The following PKN2 variants were observed in gnomAD, a reference collection of about 807,000 sequenced individuals.
The protein encoded by PKN2 is protein kinase N2.
Under a neutral mutation model 119.1 loss-of-function variants are expected in PKN2, and 38 were observed. The ratio of observed to expected loss-of-function variants is 0.32; its 90% CI spans 0.25 to 0.42. The LOEUF is 0.42. Among genes scored for constraint, PKN2 ranks in the 10% least tolerant of loss-of-function variants. The probability of loss-of-function intolerance (pLI) is 1.00; values close to 1 mark genes in which losing one functional copy is unlikely to be tolerated. For missense variants in PKN2, 850 were observed against 1,165.1 expected (o/e 0.73, Z 3.94); for synonymous variants, 390 against 384.9 (o/e 1.01, Z -0.15).
At chr1:88,818,879 T>C (rs1447627703) in intron 16 of PKN2, among the ~76,000 whole-genome samples, 1 of 151,738 alleles carries the variant, frequency 6.6e-6, no homozygotes, top group Non-Finnish European at 1.5e-5. Flanking sequence ...ATGCCACACA[T>C]CTACAACCAT....
chr1:88,740,755 A>G (rs1421760491), intron 1 of PKN2, among the ~76,000 whole-genome samples: 2 of 152,108 alleles, frequency 1.3e-5, no homozygotes, highest in Non-Finnish European at 2.9e-5. Context: ...TTTTAATATA[A>G]ATGTATTTGT....
At chr1:88,824,266 C>G (rs1167594265) in intron 17 of PKN2, 44 bp from the exon 18 acceptor site, 2 of 1,008,388 alleles carry the variant, frequency 2.0e-6, no homozygotes, top group Admixed American at 2.0e-5. Context: ...CTACTGATTT[C>G]TTTGATTTTT....
At chr1:88,707,246 AT>A (rs1667039404) in intron 1 of PKN2, among the ~76,000 whole-genome samples, 1 of 152,086 alleles carries the variant, frequency 6.6e-6, no homozygotes, top group South Asian at 2.1e-4. Context: ...TTTTTTTGAC[AT>A]TCTTCATCTT....
chr1:88,688,729 T>G (rs1018685922), intron 1 of PKN2, among the ~76,000 whole-genome samples: 1 of 152,200 alleles, frequency 6.6e-6, no homozygotes, highest in African/African-American at 2.4e-5. Context: ...TTAACATTAC[T>G]CTGTAGACTG....
At chr1:88,721,362 G>T (rs1027553654) in intron 1 of PKN2, among the ~76,000 whole-genome samples, 2 of 151,906 alleles carry the variant, frequency 1.3e-5, no homozygotes, top group Non-Finnish European at 2.9e-5. Context: ...TTGTGTTTTT[G>T]ACCCTTTGTT....
intron 2 of PKN2, among the ~76,000 whole-genome samples, chr1:88,759,883 A>AT (rs1336892071): frequency 6.6e-6 from 1 of 152,216 alleles, no homozygotes; most frequent in Non-Finnish European, 1.5e-5. Flanking sequence ...CAACCAAAAA[A>AT]GCCCAGAACC....
intron 2 of PKN2, among the ~76,000 whole-genome samples, chr1:88,747,547 A>G (rs1355532823): frequency 6.6e-6 from 1 of 152,172 alleles, no homozygotes; most frequent in Non-Finnish European, 1.5e-5. Context: ...CGTTTGAGAA[A>G]GATCCGGTTT....
intron 1 of PKN2, among the ~76,000 whole-genome samples, chr1:88,730,823 A>G (rs2100726127): frequency 1.3e-5 from 2 of 152,388 alleles, no homozygotes; most frequent in East Asian, 3.9e-4. Flanking sequence ...TAATATGGTC[A>G]GGCAGTTATA....
intron 8 of PKN2, among the ~76,000 whole-genome samples, chr1:88,789,812 G>A (rs758900844): frequency 2.6e-5 from 4 of 151,812 alleles, no homozygotes; most frequent in Admixed American, 6.6e-5. Context: ...TTAAACCACC[G>A]CACTCCTATT....
rs759987617 is a variant in PKN2 at position 88,807,421 on chromosome 1, A to G, written c.1912A>G (p.Ile638Val). 6.2e-7 allele frequency: 1 copy of G among 1,610,638 alleles called. No homozygotes were observed. Among genetic ancestry groups the G allele is most frequent in the South Asian group, 1.1e-5 (1 of 90,186 alleles). Residue 638 changes from isoleucine (I) to valine (V), a missense_variant, in exon 13 of 22, where the codon ATT becomes GTT. Around this residue, in one of 9 missense-constraint regions of PKN2, gnomAD observed 216 missense variants for 252.8 expected, o/e 0.85. Coordinates refer to ENST00000370521, the MANE Select transcript of PKN2 (RefSeq NM_006256.4). ...TPQSGLEYSG[I>V]QELEDRRSQQ... ...TCAGTCAGGCCTAGAATATAGTGGTATTCAAGAACTTGAGGACAGAAGGTA... is the reference window on the plus strand; with the variant it reads ...TCAGTCAGGCCTAGAATATAGTGGTGTTCAAGAACTTGAGGACAGAAGGTA...
chr1:88,764,964 G>A (rs776859052), intron 3 of PKN2, among the ~76,000 whole-genome samples: 2 of 151,824 alleles, frequency 1.3e-5, no homozygotes, highest in Admixed American at 1.3e-4. Flanking sequence ...TCGCTCTGTC[G>A]CCTAGGCTCA....
chr1:88,737,877 G>A (rs1235522959), intron 1 of PKN2, among the ~76,000 whole-genome samples: 5 of 152,174 alleles, frequency 3.3e-5, no homozygotes, highest in African/African-American at 1.2e-4. Flanking sequence ...TTGTACCTCT[G>A]TCTTTCCTAC....
chr1:88,824,008 C>A (rs370113862), intron 17 of PKN2, among the ~76,000 whole-genome samples: 2,885 of 116,336 alleles, frequency 0.025, 1 homozygote, highest in South Asian at 0.031. Context: ...GACTCTGTCT[C>A]AAAAAAAAAA....
At position 88,751,281 on chromosome 1, in the gene PKN2, A is replaced by G. The variant is rs193106326; in HGVS notation, c.350-8941A>G. ...TTGCAGTATGTTTGAAAATGTTCAT[A>G]TATACACACATACACTCTGGTATGT... is the stretch of plus-strand genomic sequence containing the variant. On this transcript the variant is annotated intron_variant, in intron 2 of 21. Coordinates refer to ENST00000370521, the MANE Select transcript of PKN2 (RefSeq NM_006256.4). 2.0e-5 allele frequency among the ~76,000 whole-genome samples: 3 copies of G among 152,190 alleles called. No individual in the cohort carries two copies. The East Asian group carries it at 5.8e-4, about 29-fold the overall frequency.
chr1:88,779,931 G>GTAC (rs1670266542), intron 6 of PKN2, among the ~76,000 whole-genome samples: 1 of 152,212 alleles, frequency 6.6e-6, no homozygotes, highest in South Asian at 2.1e-4. Flanking sequence ...TTTTGTTTTT[G>GTAC]AGGGATGCAC....
intron 1 of PKN2, among the ~76,000 whole-genome samples, chr1:88,727,980 A>G (rs1667965291): frequency 6.8e-6 from 1 of 147,740 alleles, no homozygotes; most frequent in South Asian, 2.1e-4. Flanking sequence ...CCTGTTTTGC[A>G]GTTATTTGGC....
intron 1 of PKN2, among the ~76,000 whole-genome samples, chr1:88,734,430 C>A (rs1253939680): frequency 6.6e-6 from 1 of 152,092 alleles, no homozygotes; most frequent in African/African-American, 2.4e-5. Context: ...ATGTGGATAT[C>A]CAGTTTTCCC....
At chr1:88,700,115 C>G (rs986168013) in intron 1 of PKN2, among the ~76,000 whole-genome samples, 1 of 152,018 alleles carries the variant, frequency 6.6e-6, no homozygotes, top group Non-Finnish European at 1.5e-5. Flanking sequence ...GCATAGTATT[C>G]CATAGTGTAT....
chr1:88,784,665 T>A lies in PKN2; in HGVS notation c.1012T>A (p.Cys338Ser), dbSNP rs1670496648. The A allele has an allele frequency of 6.3e-7, 1 of 1,586,312 alleles. No individual in the cohort carries two copies. The change falls in exon 7 of 22, where the codon TGC becomes AGC. Residue 338 changes from cysteine (C) to serine (S), a missense_variant. By Grantham distance (112) the Cys-to-Ser change is moderately radical (BLOSUM62 -1). This residue lies in a region of PKN2 where 350 missense variants were observed against 511.1 expected (regional missense o/e 0.68). Coordinates refer to ENST00000370521, the MANE Select transcript of PKN2 (RefSeq NM_006256.4). ...TACTTTGGAAGTTCGTCTTATGGGCTGCCAAGATATCCTAGAGAATGTCCC... is the reference window on the plus strand; with the variant it reads ...TACTTTGGAAGTTCGTCTTATGGGCAGCCAAGATATCCTAGAGAATGTCCC... ...TGTLEVRLMGCQDILENVPGR... is the reference protein window; with the variant it reads ...TGTLEVRLMGSQDILENVPGR...
Sources: allele counts gnomAD v4.1 joint callset (sites outside exome capture counted in the v4.1 genomes callset), GRCh38; gene constraint gnomAD v4.1.1; regional missense constraint gnomAD v4.1.1; transcripts MANE v1.5; gene names NCBI Gene and HGNC (gene_info 2026-07-23, HGNC 2026-07-21).